Variants in LINGO2 observed in about 807,000 individuals in gnomAD.
LINGO2 encodes the protein leucine rich repeat and Ig domain containing 2, also known as leucine-rich repeat and immunoglobulin-like domain-containing nogo receptor-interacting protein 2.
A neutral mutation model predicts 30.6 loss-of-function variants in LINGO2; 14 were observed. That is an observed-to-expected ratio of 0.46 (90% CI 0.30 to 0.72). The LOEUF (loss-of-function observed/expected upper bound fraction) is 0.72, where lower values mean the gene tolerates loss of function less well. Among genes scored for constraint, LINGO2 ranks in the 30% least tolerant of loss-of-function variants. The pLI, the probability that LINGO2 is intolerant of heterozygous loss-of-function variation, is 0.07. For synonymous variants in LINGO2, 317 were observed against 288.5 expected (o/e 1.10, Z -1.00); for missense variants, 729 against 751.7 (o/e 0.97, Z 0.35).
intron 3 of LINGO2, among the ~76,000 whole-genome samples, chr9:28,317,187 T>A (rs1245895238): frequency 6.6e-6 from 1 of 152,214 alleles, no homozygotes; most frequent in Admixed American, 6.5e-5. Flanking sequence ...GCACGAATTA[T>A]AAAGATGCAT....
chr9:28,434,529 CAAAAAAA>C (rs3064822), intron 2 of LINGO2, among the ~76,000 whole-genome samples: 1 of 131,020 alleles, frequency 7.6e-6, no homozygotes. Flanking sequence ...TCTTGAGCAT[CAAAAAAA>C]AAAAAAAAAA....
At chr9:27,973,968 C>A (rs978544846) in intron 5 of LINGO2, among the ~76,000 whole-genome samples, 1 of 152,098 alleles carries the variant, frequency 6.6e-6, no homozygotes, top group African/African-American at 2.4e-5. Flanking sequence ...TTAACTCCAC[C>A]CTTTTCTCTT....
the LINGO2 span, among the ~76,000 whole-genome samples, chr9:29,036,825 T>C: frequency 3.4e-4 from 52 of 152,008 alleles, no homozygotes; most frequent in Non-Finnish European, 6.9e-4. Context: ...AATAAAAATA[T>C]ATATACTGCT....
At chr9:29,119,799 T>C in the LINGO2 span, among the ~76,000 whole-genome samples, 1 of 152,064 alleles carries the variant, frequency 6.6e-6, no homozygotes. Flanking sequence ...GGTTTCACCA[T>C]GTTGGCCAGG....
intron 4 of LINGO2, among the ~76,000 whole-genome samples, chr9:28,032,213 A>T (rs181986015): frequency 6.6e-6 from 1 of 152,250 alleles, no homozygotes; most frequent in East Asian, 1.9e-4. Flanking sequence ...CTTAAAAAAA[A>T]AATACAACAT....
intron 1 of LINGO2, among the ~76,000 whole-genome samples, chr9:28,533,131 C>A (rs1376414748): frequency 6.6e-6 from 1 of 151,994 alleles, no homozygotes; most frequent in Admixed American, 6.6e-5. Flanking sequence ...ATAAGGCAAG[C>A]AGAAAAAGGT....
chr9:27,999,716 A>G (rs1001988501), intron 5 of LINGO2, among the ~76,000 whole-genome samples: 13 of 152,270 alleles, frequency 8.5e-5, no homozygotes, highest in African/African-American at 2.4e-4. Context: ...AAGTCCAATG[A>G]AAGACTGACT....
At chr9:28,139,844 A>G (rs1268922751) in intron 4 of LINGO2, among the ~76,000 whole-genome samples, 1 of 152,226 alleles carries the variant, frequency 6.6e-6, no homozygotes, top group Non-Finnish European at 1.5e-5. Flanking sequence ...GTAATTCAGA[A>G]GCATCCAAAA....
the LINGO2 span, among the ~76,000 whole-genome samples, chr9:29,066,664 G>A: frequency 6.6e-6 from 1 of 151,932 alleles, no homozygotes; most frequent in African/African-American, 2.4e-5. Context: ...TAAAGGCAAG[G>A]GTGGTGATAT....
chr9:28,596,419 G>A (rs1825177911), intron 1 of LINGO2, among the ~76,000 whole-genome samples: 2 of 152,100 alleles, frequency 1.3e-5, no homozygotes, highest in Admixed American at 6.6e-5. Flanking sequence ...TCTTAGGCTA[G>A]TGTTTCAGTT....
At chr9:28,182,790 TAA>T (rs1819401046) in intron 4 of LINGO2, among the ~76,000 whole-genome samples, 3 of 152,134 alleles carry the variant, frequency 2.0e-5, no homozygotes, top group Non-Finnish European at 2.9e-5. Context: ...TGGCGATTAT[TAA>T]AAAGTCAGGA....
chr9:29,015,667 A>T, the LINGO2 span, among the ~76,000 whole-genome samples: 1 of 152,132 alleles, frequency 6.6e-6, no homozygotes, highest in Non-Finnish European at 1.5e-5. Flanking sequence ...TCTATAGATT[A>T]AAAAAATATA....
chr9:28,224,257 G>C (rs530570112), intron 4 of LINGO2, among the ~76,000 whole-genome samples: 1 of 152,236 alleles, frequency 6.6e-6, no homozygotes, highest in African/African-American at 2.4e-5. Context: ...GTAGAGACGG[G>C]GTTTCACCGT....
chr9:29,057,417 A>G, the LINGO2 span, among the ~76,000 whole-genome samples: 1 of 152,162 alleles, frequency 6.6e-6, no homozygotes, highest in Non-Finnish European at 1.5e-5. Flanking sequence ...TAAAAGAATG[A>G]TTTTTGGATA....
chr9:28,091,794 C>T (rs529647211), intron 4 of LINGO2, among the ~76,000 whole-genome samples: 2 of 152,238 alleles, frequency 1.3e-5, no homozygotes, highest in South Asian at 4.1e-4. Context: ...TTTTTGCAAT[C>T]TACTCATGTG....
At chr9:28,689,655 T>A in the LINGO2 span, among the ~76,000 whole-genome samples, 1 of 152,094 alleles carries the variant, frequency 6.6e-6, no homozygotes, top group Non-Finnish European at 1.5e-5. Flanking sequence ...TGGCAATTCT[T>A]CAAAGACCTA....
the LINGO2 span, among the ~76,000 whole-genome samples, chr9:29,138,890 T>G: frequency 3.9e-5 from 6 of 152,312 alleles, no homozygotes; most frequent in Non-Finnish European, 7.4e-5. Context: ...CTGCTGTTAT[T>G]AATACCCTTG....
intron 1 of LINGO2, among the ~76,000 whole-genome samples, chr9:28,570,331 T>C (rs575203542): frequency 6.6e-6 from 1 of 152,080 alleles, no homozygotes; most frequent in East Asian, 1.9e-4. Flanking sequence ...TTTTCTCAAA[T>C]ATATTAATAA....
chr9:28,853,602 T>C, the LINGO2 span, among the ~76,000 whole-genome samples: 2 of 151,974 alleles, frequency 1.3e-5, no homozygotes, highest in Non-Finnish European at 2.9e-5. Context: ...GAAGTTTAAT[T>C]GACTAACAGT....
Sources: allele counts gnomAD v4.1 joint callset (sites outside exome capture counted in the v4.1 genomes callset), GRCh38; gene constraint gnomAD v4.1.1; transcripts MANE v1.5; gene names NCBI Gene and HGNC (gene_info 2026-07-23, HGNC 2026-07-21).